Variants in LRRC37B observed in about 807,000 individuals in gnomAD.
LRRC37B encodes leucine rich repeat containing 37B, also known as leucine-rich repeat-containing protein 37B.
In LRRC37B, 28 loss-of-function variants were observed where a neutral mutation model predicts 98.3. That is an observed-to-expected ratio of 0.28 (90% CI 0.21 to 0.39). The LOEUF (loss-of-function observed/expected upper bound fraction) is 0.39, where lower values mean the gene tolerates loss of function less well. Among genes scored for constraint, LRRC37B ranks in the 10% least tolerant of loss-of-function variants. The probability of loss-of-function intolerance (pLI) is 1.00; values close to 1 mark genes in which losing one functional copy is unlikely to be tolerated. For synonymous variants in LRRC37B, 364 were observed against 442.7 expected, an observed-to-expected ratio of 0.82 and a Z score of 2.23; for missense variants, 938 against 1,182.7, an observed-to-expected ratio of 0.79 and a Z score of 3.03.
At chr17:32,020,403 C>T (rs1303190141), upstream of LRRC37B, among the ~76,000 whole-genome samples, 2 of 150,428 alleles carry the variant, frequency 1.3e-5, no homozygotes, top group African/African-American at 2.5e-5. Context: ...GCTGTAACTT[C>T]GAGGGTAATG....
At chr17:32,022,217 A>T in exon 1 of LRRC37B, 1 of 1,613,068 alleles carries the variant, frequency 6.2e-7, no homozygotes, top group Non-Finnish European at 8.5e-7. Flanking sequence ...CAGAGCCTAA[A>T]AATGAGACAG....
intron 9 of LRRC37B, among the ~76,000 whole-genome samples, chr17:32,048,781 G>A (rs763290685): frequency 3.9e-5 from 6 of 152,204 alleles, no homozygotes; most frequent in Admixed American, 6.5e-5. Flanking sequence ...TCATAAATTC[G>A]CAAGGGGTTT....
At chr17:32,045,943 C>T in intron 8 of LRRC37B, 125 bp downstream of exon 11, 1 of 1,025,416 alleles carries the variant, frequency 9.8e-7, no homozygotes. Context: ...AGTCAGATTT[C>T]AACTCCCTCA....
At chr17:32,014,739 T>C (rs1391982133) in intron 1 of LRRC37B, among the ~76,000 whole-genome samples, 1 of 152,210 alleles carries the variant, frequency 6.6e-6, no homozygotes, top group Non-Finnish European at 1.5e-5. Context: ...CATATATCTA[T>C]ATACATGTAG....
At chr17:32,021,737 T>C in exon 1 of LRRC37B, 1 of 1,614,256 alleles carries the variant, frequency 6.2e-7, no homozygotes. Flanking sequence ...AAGATCTAGC[T>C]GAACGTTGGA....
chr17:32,046,200 G>T (rs1213619904), intron 8 of LRRC37B, among the ~76,000 whole-genome samples: 1 of 152,210 alleles, frequency 6.6e-6, no homozygotes, highest in African/African-American at 2.4e-5. Context: ...AGTACTCTCT[G>T]CCTTTTAGGA....
chr17:32,024,396 G>A, intron 1 of LRRC37B: 1 of 590,598 alleles, frequency 1.7e-6, no homozygotes, highest in Non-Finnish European at 3.1e-6. Flanking sequence ...GTGTTGATTT[G>A]TAGGAGTTTG....
In LRRC37B at chr17:32,008,003, CA is replaced by C; in HGVS notation, c.-319del. The C allele has an allele frequency of 2.0e-6, 1 of 504,938 alleles. No individual in the cohort carries two copies. The highest frequency in any genetic ancestry group is 3.7e-6 in the Non-Finnish European group (1 of 269,850). The allele number at this position is 504,938 out of a possible 1,614,324, so 31.3% of individuals were successfully genotyped here. On this transcript the variant is annotated 5_prime_UTR_variant, in exon 1 of 15. The change creates a premature stop within an existing upstream ORF in the 5' untranslated region. Transcript: ENST00000543378. ...GGGGGGCGGCGATGCCGAGGAGACCCAGGAGTCTGAGGACAACTAGGAGGAT... is the reference window on the plus strand; with the variant it reads ...GGGGGGCGGCGATGCCGAGGAGACCCGGAGTCTGAGGACAACTAGGAGGAT...
chr17:32,007,606 C>T (rs138406608), upstream of LRRC37B, among the ~76,000 whole-genome samples: 2,989 of 151,776 alleles, frequency 0.02, 41 homozygotes, highest in Non-Finnish European at 0.029. This position sits in a 1 kb window ranked among gnomAD's most constrained non-coding sequence, Gnocchi z 4.1. Context: ...TGGGCTCCAA[C>T]AAGAGGGGCC....
At chr17:32,021,928 A>G (rs1308274437) in exon 1 of LRRC37B, 2 of 1,614,096 alleles carry the variant, frequency 1.2e-6, no homozygotes, top group Non-Finnish European at 1.7e-6. Context: ...TCTCAATTCC[A>G]TCTAGAGCCC....
chr17:32,050,930 C>T (rs1240951956), intron 11 of LRRC37B: 11 of 152,192 alleles, frequency 7.2e-5, no homozygotes, highest in East Asian at 1.9e-4. Context: ...AGTGCTAGCA[C>T]ACTGGAAGAG....
In LRRC37B at chr17:32,033,226, G is replaced by A. The variant is rs537795299; in HGVS notation, c.2058-1684G>A. On this transcript the variant is annotated intron_variant, in intron 5 of 11. Coordinates refer to ENST00000327564, the Ensembl canonical transcript of LRRC37B. ...ACTCCTGACCTCAGATGATCCACCC[G>A]CCTGGCTTCCCAAAGTGCTGGGATT... 5.3e-5 allele frequency among the ~76,000 whole-genome samples: 8 copies of A among 151,614 alleles called. No individual in the cohort carries two copies. The South Asian group carries it at 1.3e-3, about 24-fold the overall frequency.
intron 7 of LRRC37B, chr17:32,041,556 A>G (rs1462956439): frequency 2.0e-6 from 1 of 493,124 alleles, no homozygotes; most frequent in African/African-American, 2.0e-5. Flanking sequence ...CCGCCCCTCC[A>G]TCCACACTGG....
At chr17:32,045,316 A>G (rs900486037) in intron 7 of LRRC37B, among the ~76,000 whole-genome samples, 1 of 152,050 alleles carries the variant, frequency 6.6e-6, no homozygotes, top group Non-Finnish European at 1.5e-5. Context: ...CCCACTCCCA[A>G]CAGAAATTGA....
chr17:32,025,851 G>A (rs1289746708), intron 2 of LRRC37B, among the ~76,000 whole-genome samples: 1 of 152,226 alleles, frequency 6.6e-6, no homozygotes, highest in African/African-American at 2.4e-5. Flanking sequence ...TATATTGTCA[G>A]CAGAATATGA....
At chr17:32,026,864 A>G (rs1424849764) in intron 2 of LRRC37B, among the ~76,000 whole-genome samples, 1 of 152,196 alleles carries the variant, frequency 6.6e-6, no homozygotes, top group Non-Finnish European at 1.5e-5. Context: ...TTTTGTAACA[A>G]TGTTTACATG....
chr17:32,041,155 G>A (rs570366552), intron 7 of LRRC37B: 8 of 770,616 alleles, frequency 1.0e-5, no homozygotes, highest in East Asian at 4.9e-5. Flanking sequence ...CGCAGGATGC[G>A]GGAAGCTTCC....
rs573106079 is a variant in LRRC37B at position 32,015,247 on chromosome 17, T to A, written c.-190-2725T>A. On this transcript the variant is annotated intron_variant, in intron 1 of 14. Transcript: ENST00000543378. Reference sequence around the variant, plus strand: ...AGAGCACAGCCTTGTTCAGTAATAATGTTAATACCAGATTGGGACACTATT... The same window carrying A: ...AGAGCACAGCCTTGTTCAGTAATAAAGTTAATACCAGATTGGGACACTATT... 9.5e-4 allele frequency among the ~76,000 whole-genome samples: 145 copies of A among 152,374 alleles called. 1 individual carries two copies. The highest frequency in any genetic ancestry group is 3.4e-3 in the Middle Eastern group (1 of 294).
At chr17:32,021,449 G>A (rs2142240447) in exon 1 of LRRC37B, 2 of 1,614,124 alleles carry the variant, frequency 1.2e-6, no homozygotes, top group Middle Eastern at 1.7e-4. Flanking sequence ...TGAAGGAATT[G>A]GATTCAGCTG....
Sources: gnomAD v4.1 joint callset for allele counts (sites outside exome capture counted in the v4.1 genomes callset) on GRCh38, gnomAD v4.1.1 for gene constraint, Gnocchi (gnomAD v3.1) non-coding constraint, MANE v1.5 for transcripts, NCBI Gene and HGNC (gene_info 2026-07-23, HGNC 2026-07-21) for gene names.